Variants in KIF13B observed in about 807,000 individuals in gnomAD.
KIF13B encodes kinesin family member 13B.
In KIF13B, 127 loss-of-function variants were observed where a neutral mutation model predicts 222.0. The observed-to-expected ratio is 0.57, with a 90% CI of 0.50 to 0.66. The LOEUF is 0.66. KIF13B is among the 30% of genes least tolerant of loss of function. The probability of loss-of-function intolerance (pLI) is 0.00; values close to 1 mark genes in which losing one functional copy is unlikely to be tolerated. For missense variants in KIF13B, 2,173 were observed against 2,379.0 expected (o/e 0.91, Z 1.80); for synonymous variants, 976 against 919.0 (o/e 1.06, Z -1.12).
chr8:29,081,929 G>A (rs1807833752), intron 37 of KIF13B, among the ~76,000 whole-genome samples: 1 of 152,188 alleles, frequency 6.6e-6, no homozygotes, highest in African/African-American at 2.4e-5. Context: ...AAAAGTACAT[G>A]TTTAAACAGT....
chr8:29,087,822 T>C (rs1808110424), intron 37 of KIF13B, among the ~76,000 whole-genome samples: 1 of 151,294 alleles, frequency 6.6e-6, no homozygotes, highest in Non-Finnish European at 1.5e-5. Flanking sequence ...ATGGGGGAGG[T>C]CTGAGAGAAC....
intron 7 of KIF13B, 27 bp from the exon 8 acceptor site, chr8:29,180,265 C>A: frequency 1.2e-6 from 2 of 1,612,300 alleles, no homozygotes; most frequent in East Asian, 2.2e-5. Flanking sequence ...CATAGACCCA[C>A]GTTTCATTAC....
At chr8:29,190,533 C>G (rs571182757) in intron 4 of KIF13B, 1 of 163,058 alleles carries the variant, frequency 6.1e-6, no homozygotes. Flanking sequence ...TTACCTGTCT[C>G]CTTTAAAGAA....
chr8:29,217,029 T>C (rs915490544), intron 2 of KIF13B, among the ~76,000 whole-genome samples: 1 of 152,112 alleles, frequency 6.6e-6, no homozygotes, highest in Non-Finnish European at 1.5e-5. Flanking sequence ...TCCTCGTTCC[T>C]CATGTTTCCA....
rs1326692622 is a variant in KIF13B at position 29,150,320 on chromosome 8, T to C, written c.1599A>G (p.Leu533=). ...ACCTGAAGAAATGATTGTTTCCCCA[T>C]AATATCCTGTCCCCATGGTGTAGCT... ...PIQLHHGDRI[L]WGNNHFFRLN... The change falls in exon 15 of 40, where the codon TTA becomes TTG. Residue 533 remains leucine (L), a synonymous_variant. Transcript: ENST00000524189. 6.9e-6 allele frequency: 11 copies of C among 1,584,070 alleles called. No homozygotes were observed. Among genetic ancestry groups the C allele is most frequent in the African/African-American group, 1.3e-5 (1 of 74,332 alleles).
intron 1 of KIF13B, among the ~76,000 whole-genome samples, chr8:29,262,676 C>T (rs1816724488): frequency 6.6e-6 from 1 of 150,564 alleles, no homozygotes. Context: ...CCTCGGGAAC[C>T]TCCGGGGGAG....
intron 2 of KIF13B, among the ~76,000 whole-genome samples, chr8:29,240,062 A>G (rs1041739861): frequency 1.3e-5 from 2 of 151,550 alleles, no homozygotes; most frequent in African/African-American, 4.8e-5. Flanking sequence ...AAAGAACAGG[A>G]AATTTGATAA....
Position 29,071,533 on chromosome 8 carries a change from C to A in KIF13B, c.5218+87G>T. 7.9e-7 allele frequency: 1 copy of A among 1,260,238 alleles called. No homozygotes were observed. The highest frequency in any genetic ancestry group is 1.1e-6 in the Non-Finnish European group (1 of 899,120). The allele number at this position is 1,260,238 out of a possible 1,614,324, so 78.1% of individuals were successfully genotyped here. On this transcript the variant is annotated intron_variant, in intron 39 of 39. Coordinates refer to ENST00000524189, the MANE Select transcript of KIF13B (RefSeq NM_015254.4). The surrounding 1 kb of genome is among the most constrained non-coding windows in gnomAD (Gnocchi z 4.9). ...CCTCCCGGCCCCTCCCTCTCCTGCC[C>A]GGACCCTGTCCCCTCCCAGGCCGGC...
intron 35 of KIF13B, among the ~76,000 whole-genome samples, chr8:29,107,534 C>T (rs903620904): frequency 6.6e-6 from 1 of 151,510 alleles, no homozygotes; most frequent in Non-Finnish European, 1.5e-5. Flanking sequence ...ATCACACACA[C>T]ACACACACAA....
At chr8:29,188,266 C>G (rs1295663398) in intron 5 of KIF13B, among the ~76,000 whole-genome samples, 1 of 152,158 alleles carries the variant, frequency 6.6e-6, no homozygotes, top group Non-Finnish European at 1.5e-5. Context: ...ACAGTCATAG[C>G]TCTGTATTTT....
chr8:29,223,789 T>C (rs1814878934), intron 2 of KIF13B, among the ~76,000 whole-genome samples: 1 of 152,174 alleles, frequency 6.6e-6, no homozygotes, highest in Non-Finnish European at 1.5e-5. Context: ...CCTCCCGGGT[T>C]CAAGTGATTC....
intron 2 of KIF13B, among the ~76,000 whole-genome samples, chr8:29,206,067 G>T (rs1284097084): frequency 6.6e-6 from 1 of 151,992 alleles, no homozygotes; most frequent in Non-Finnish European, 1.5e-5. Context: ...CTCTAGTCGG[G>T]ATAACAGAGC....
At chr8:29,198,524 T>C (rs1014361693) in intron 2 of KIF13B, among the ~76,000 whole-genome samples, 3 of 152,188 alleles carry the variant, frequency 2.0e-5, no homozygotes, top group African/African-American at 7.2e-5. Context: ...GGTTTCACCA[T>C]GTTGGCCAGG....
intron 2 of KIF13B, among the ~76,000 whole-genome samples, chr8:29,204,547 T>TCTTA (rs1362497694): frequency 1.9e-4 from 29 of 152,252 alleles, no homozygotes; most frequent in African/African-American, 6.7e-4. Context: ...CTATAAAAAT[T>TCTTA]TTAAAGAAAA....
At chr8:29,203,433 C>T (rs1813786686) in intron 2 of KIF13B, among the ~76,000 whole-genome samples, 1 of 152,318 alleles carries the variant, frequency 6.6e-6, no homozygotes, top group Admixed American at 6.5e-5. Context: ...TAGACACTAT[C>T]TTTCTTAAAC....
At chr8:29,134,275 G>A (rs893587381) in intron 21 of KIF13B, 65 bp from the exon 22 acceptor site, 3 of 1,515,552 alleles carry the variant, frequency 2.0e-6, no homozygotes, top group African/African-American at 1.4e-5. Flanking sequence ...CAGAGTTGCA[G>A]GTTCCAGCCC....
At chr8:29,099,741 C>CA (rs1233039738) in intron 35 of KIF13B, among the ~76,000 whole-genome samples, 2 of 152,164 alleles carry the variant, frequency 1.3e-5, no homozygotes, top group Non-Finnish European at 2.9e-5. Flanking sequence ...CATACCCCCC[C>CA]ACACACATTT....
intron 3 of KIF13B, 101 bp downstream of exon 3, chr8:29,196,086 T>G (rs913561432): frequency 3.9e-6 from 4 of 1,033,310 alleles, no homozygotes; most frequent in African/African-American, 1.6e-5. Flanking sequence ...TTGTACAAAA[T>G]GATAGAAAAT....
chr8:29,215,445 T>C (rs953802922), intron 2 of KIF13B, among the ~76,000 whole-genome samples: 1 of 152,188 alleles, frequency 6.6e-6, no homozygotes, highest in Non-Finnish European at 1.5e-5. Flanking sequence ...GCCAGCACTT[T>C]AGGAGGCTGA....
Sources: allele counts gnomAD v4.1 joint callset (sites outside exome capture counted in the v4.1 genomes callset), GRCh38; gene constraint gnomAD v4.1.1; non-coding constraint Gnocchi (gnomAD v3.1); transcripts MANE v1.5; gene names NCBI Gene and HGNC (gene_info 2026-07-23, HGNC 2026-07-21).